Variants in MECOM observed in about 807,000 individuals in gnomAD.
The protein encoded by MECOM is histone-lysine N-methyltransferase MECOM.
In MECOM, 13 loss-of-function variants were observed where a neutral mutation model predicts 116.3. The ratio of observed to expected loss-of-function variants is 0.11; its 90% CI spans 0.07 to 0.18. The LOEUF is 0.18. Among genes scored for constraint, MECOM ranks in the 10% least tolerant of loss-of-function variants. The pLI, the probability that MECOM is intolerant of heterozygous loss-of-function variation, is 1.00. For synonymous variants in MECOM, 528 were observed against 535.2 expected (o/e 0.99, Z 0.19); for missense variants, 1,299 against 1,509.0 (o/e 0.86, Z 2.31).
intron 2 of MECOM, among the ~76,000 whole-genome samples, chr3:169,316,605 C>T (rs929788278): frequency 2.0e-5 from 3 of 152,214 alleles, no homozygotes; most frequent in East Asian, 1.9e-4. Context: ...GACTGGAGTG[C>T]AGTAGCATGA....
At chr3:169,272,235 TC>T (rs1228996161) in intron 2 of MECOM, among the ~76,000 whole-genome samples, 1 of 152,146 alleles carries the variant, frequency 6.6e-6, no homozygotes, top group East Asian at 1.9e-4. Context: ...GTGCCTTAGT[TC>T]CCAGAGTAGG....
chr3:169,283,447 G>GA (rs1425988466), intron 2 of MECOM, among the ~76,000 whole-genome samples: 7 of 151,490 alleles, frequency 4.6e-5, no homozygotes, highest in East Asian at 3.9e-4. Flanking sequence ...TGTATAATAA[G>GA]AAAAAAATAG....
chr3:169,458,266 C>T (rs1185632238), intron 1 of MECOM, among the ~76,000 whole-genome samples: 1 of 152,156 alleles, frequency 6.6e-6, no homozygotes, highest in Non-Finnish European at 1.5e-5. Context: ...AATGGTATCC[C>T]ACTCATTTAC....
intron 2 of MECOM, chr3:169,146,427 A>G: frequency 4.3e-6 from 6 of 1,392,066 alleles, no homozygotes; most frequent in Non-Finnish European, 5.7e-6. Context: ...GAGGGGAAGG[A>G]GGAGAAGAGC....
chr3:169,272,996 C>T (rs2633439), intron 2 of MECOM, among the ~76,000 whole-genome samples: 2 of 152,214 alleles, frequency 1.3e-5, no homozygotes, highest in South Asian at 4.2e-4. Context: ...ACCTCATCCC[C>T]TTAACTCCTG....
At chr3:169,321,119 T>C (rs1254552348) in intron 2 of MECOM, among the ~76,000 whole-genome samples, 1 of 152,162 alleles carries the variant, frequency 6.6e-6, no homozygotes, top group African/African-American at 2.4e-5. Flanking sequence ...CCATGAACAT[T>C]CATATCTAAG....
At chr3:169,325,798 G>A (rs1424798882) in intron 2 of MECOM, among the ~76,000 whole-genome samples, 1 of 152,224 alleles carries the variant, frequency 6.6e-6, no homozygotes, top group African/African-American at 2.4e-5. Flanking sequence ...GTTGCCAGAT[G>A]TGAGATACTT....
chr3:169,584,323 TG>T (rs753463553), intron 1 of MECOM, among the ~76,000 whole-genome samples: 1 of 151,950 alleles, frequency 6.6e-6, no homozygotes, highest in Non-Finnish European at 1.5e-5. Context: ...CCCAGCACTT[TG>T]GGAGGCCGGG....
intron 2 of MECOM, among the ~76,000 whole-genome samples, chr3:169,364,518 C>T (rs1464236704): frequency 1.3e-5 from 2 of 152,024 alleles, no homozygotes; most frequent in Non-Finnish European, 1.5e-5. Context: ...CCCAAACAAT[C>T]AGCTTTTGAC....
intron 1 of MECOM, among the ~76,000 whole-genome samples, chr3:169,394,943 G>T (rs1015532873): frequency 6.6e-6 from 1 of 152,102 alleles, no homozygotes; most frequent in African/African-American, 2.4e-5. Flanking sequence ...AAAATGCTTG[G>T]CTGATGAAAA....
At chr3:169,532,696 C>T (rs956898960) in intron 1 of MECOM, among the ~76,000 whole-genome samples, 1 of 152,156 alleles carries the variant, frequency 6.6e-6, no homozygotes, top group Non-Finnish European at 1.5e-5. Flanking sequence ...AATCGAACAC[C>T]AAGTTGCCCT....
chr3:169,357,197 A>G (rs540517508), intron 2 of MECOM, among the ~76,000 whole-genome samples: 1 of 152,038 alleles, frequency 6.6e-6, no homozygotes, highest in South Asian at 2.1e-4. Context: ...TGGGAACACT[A>G]AGAGCTATAT....
At chr3:169,089,764 T>A (rs1169636903) in intron 15 of MECOM, among the ~76,000 whole-genome samples, 1 of 152,158 alleles carries the variant, frequency 6.6e-6, no homozygotes, top group Non-Finnish European at 1.5e-5. Flanking sequence ...TTTCATTTTA[T>A]CTTTCCCACC....
chr3:169,228,871 A>C (rs762170355), intron 2 of MECOM, among the ~76,000 whole-genome samples: 6 of 152,240 alleles, frequency 3.9e-5, no homozygotes, highest in Non-Finnish European at 7.3e-5. Flanking sequence ...TAACTCAAAC[A>C]CACCTTTTAA....
At chr3:169,450,296 C>A (rs192534228) in intron 1 of MECOM, among the ~76,000 whole-genome samples, 1 of 152,126 alleles carries the variant, frequency 6.6e-6, no homozygotes, top group African/African-American at 2.4e-5. Context: ...TTTAAACACA[C>A]AGCACCAGGA....
chr3:169,466,658 A>G (rs2108763829), intron 1 of MECOM, among the ~76,000 whole-genome samples: 1 of 152,256 alleles, frequency 6.6e-6, no homozygotes, highest in South Asian at 2.1e-4. Context: ...AAATAAAGAA[A>G]GAAAAGAAAC....
Position 169,122,692 on chromosome 3 carries a change from C to G in MECOM, c.866G>C (p.Arg289Thr). 1 of 1,613,986 alleles carries G rather than the reference C, an allele frequency of 6.2e-7. No individual in the cohort carries two copies. The highest frequency in any genetic ancestry group is 8.5e-7 in the Non-Finnish European group (1 of 1,179,894). ...EKHMLSHTEE[R>T]EYKCDQCPKA... ...GGGACACTGATCACACTTGTATTCCCTCTCTTCAGTATGTGACAGCATGTG... is the reference window on the plus strand; with the variant it reads ...GGGACACTGATCACACTTGTATTCCGTCTCTTCAGTATGTGACAGCATGTG... Residue 289 changes from arginine (R) to threonine (T), a missense_variant, in exon 6 of 17, where the codon AGG (arginine) becomes ACG (threonine). Physicochemically the swap from Arg to Thr is moderately conservative, Grantham distance 71 (BLOSUM62 -1). Around this residue, in one of 6 missense-constraint regions of MECOM, gnomAD observed 374 missense variants for 433.4 expected, o/e 0.86. Transcript: ENST00000651503.
intron 2 of MECOM, among the ~76,000 whole-genome samples, chr3:169,209,679 G>A (rs1559995971): frequency 6.6e-6 from 1 of 152,170 alleles, no homozygotes; most frequent in East Asian, 1.9e-4. Flanking sequence ...AGTCAGAATG[G>A]CAATTATTAA....
rs1185460663 is a variant in MECOM, at chr3:169,085,055, A to G, written c.3586-12T>C. Reference sequence around the variant, plus strand: ...ATCATAGCATATGCCTGGGGTAAAAAGGAGAGAGACTCAGTAAATGGCATT... The same window carrying G: ...ATCATAGCATATGCCTGGGGTAAAAGGGAGAGAGACTCAGTAAATGGCATT... On this transcript the variant is annotated splice_polypyrimidine_tract_variant and intron_variant, in intron 16 of 16. Coordinates refer to ENST00000651503, the MANE Select transcript of MECOM (RefSeq NM_004991.4). 1 of 1,613,864 alleles carries G rather than the reference A, an allele frequency of 6.2e-7. No homozygotes were observed. The highest frequency in any genetic ancestry group is 1.1e-5 in the South Asian group (1 of 91,028).
Sources: allele counts gnomAD v4.1 joint callset (sites outside exome capture counted in the v4.1 genomes callset), GRCh38; gene constraint gnomAD v4.1.1; regional missense constraint gnomAD v4.1.1; transcripts MANE v1.5; gene names NCBI Gene and HGNC (gene_info 2026-07-23, HGNC 2026-07-21).